Variants in MAK observed in about 807,000 individuals in gnomAD.
The protein encoded by MAK is serine/threonine-protein kinase MAK.
MAK carries 65 observed loss-of-function variants against 82.6 expected under a neutral mutation model. The ratio of observed to expected loss-of-function variants is 0.79; its 90% CI spans 0.64 to 0.97. MAK has a LOEUF of 0.97. Among genes scored for constraint, MAK ranks in the 50% least tolerant of loss-of-function variants. The pLI, the probability that MAK is intolerant of heterozygous loss-of-function variation, is 0.00. For missense variants in MAK, 703 were observed against 780.2 expected (o/e 0.90, Z 1.18); for synonymous variants, 250 against 274.2 (o/e 0.91, Z 0.87).
Position 10,817,970 on chromosome 6 carries a change from G to T in MAK, c.158C>A (p.Ser53Tyr). 1 of 1,438,166 alleles carries T rather than the reference G, an allele frequency of 7.0e-7. No individual in the cohort carries two copies. The highest frequency in any genetic ancestry group is 1.2e-5 in the South Asian group (1 of 83,848). 89.1% of individuals were successfully genotyped at this position (1,438,166 alleles called of 1,614,324 possible). Residue 53 changes from serine to tyrosine, a missense_variant and splice_region_variant, in exon 4 of 15, where the codon TCT becomes TAT. Coordinates refer to ENST00000354489, the MANE Select transcript of MAK (RefSeq NM_001242957.3). ...DECMNLREVK[S>Y]LKKLNHANVI... The stretch of plus-strand genomic sequence containing the variant: ...ATTGGCATGATTAAGTTTCTTCAGA[G>T]ACTGAAAAATAACAAATATGCCTTA...
chr6:10,784,677 A>G (rs1169256242), intron 10 of MAK, 105 bp from the exon 11 acceptor site: 6 of 1,013,674 alleles, frequency 5.9e-6, no homozygotes, highest in South Asian at 1.3e-5. Flanking sequence ...AAGCCAGTCA[A>G]TCTGACCTCA....
intron 8 of MAK, among the ~76,000 whole-genome samples, chr6:10,799,036 G>A (rs1483514161): frequency 6.6e-6 from 1 of 151,962 alleles, no homozygotes; most frequent in Non-Finnish European, 1.5e-5. Flanking sequence ...CTGCCACGTT[G>A]GCCAGGCTGA....
chr6:10,813,005 TC>T (rs60266470), intron 5 of MAK, among the ~76,000 whole-genome samples: 1,747 of 115,838 alleles, frequency 0.015, 18 homozygotes, highest in African/African-American at 0.018. Flanking sequence ...CCTAAGGTGA[TC>T]CCCCCCCCCG....
At chr6:10,807,947 A>G (rs1360715889) in intron 6 of MAK, among the ~76,000 whole-genome samples, 1 of 152,012 alleles carries the variant, frequency 6.6e-6, no homozygotes, top group Non-Finnish European at 1.5e-5. Context: ...GGGTGCCTGT[A>G]ATCCCAGCTA....
intron 5 of MAK, among the ~76,000 whole-genome samples, chr6:10,813,397 C>T (rs572555354): frequency 3.3e-5 from 5 of 151,184 alleles, no homozygotes; most frequent in South Asian, 2.1e-4. Context: ...TCAGGTGATC[C>T]GCCTGCCTTG....
rs115551660 is a variant in MAK at position 10,819,087 on chromosome 6, T to C, written c.102-147A>G. 6,027 of 653,576 alleles carry C rather than the reference T, an allele frequency of 9.2e-3. 155 individuals carry two copies. Among genetic ancestry groups the C allele is most frequent in the African/African-American group, 0.046 (2,539 of 55,644 alleles). The allele number at this position is 653,576 out of a possible 1,614,324, so 40.5% of individuals were successfully genotyped here. A position where few individuals can be genotyped will look rare whatever the true frequency, so the allele number is the denominator to read the frequency against. Reference sequence around the variant, plus strand: ...ATCCTTATAAGGAAATCACCTCCTATACCTCAAGGCTACTTGGTAGGCCTA... The same window carrying C: ...ATCCTTATAAGGAAATCACCTCCTACACCTCAAGGCTACTTGGTAGGCCTA... On this transcript the variant is annotated intron_variant, in intron 2 of 14. Coordinates refer to ENST00000354489, the MANE Select transcript of MAK (RefSeq NM_001242957.3).
intron 8 of MAK, among the ~76,000 whole-genome samples, chr6:10,799,407 A>G (rs1378015401): frequency 2.0e-5 from 3 of 152,110 alleles, no homozygotes; most frequent in Non-Finnish European, 4.4e-5. Context: ...TTTAAAATAC[A>G]TTTGAAAAAC....
At chr6:10,801,240 AT>A (rs1775995050) in intron 8 of MAK, among the ~76,000 whole-genome samples, 1 of 152,218 alleles carries the variant, frequency 6.6e-6, no homozygotes, top group South Asian at 2.1e-4. Context: ...AGCAAAATAA[AT>A]TTTTGTAATT....
rs552039665 is a variant in MAK at position 10,764,318 on chromosome 6, G to C, written c.*134C>G. On this transcript the variant is annotated 3_prime_UTR_variant, in exon 15 of 15. Transcript: ENST00000354489. ...ATAAGTAAAATAGGGGATGATTTTTGCCCTTCCAAGTACCCACTTTTGCAT... is the reference window on the plus strand; with the variant it reads ...ATAAGTAAAATAGGGGATGATTTTTCCCCTTCCAAGTACCCACTTTTGCAT... 3.3e-5 allele frequency: 28 copies of C among 854,136 alleles called. No individual in the cohort carries two copies. In the East Asian group the frequency reaches 7.2e-4, roughly 22 times the overall value. The allele number at this position is 854,136 out of a possible 1,614,324, so 52.9% of individuals were successfully genotyped here. A position where few individuals can be genotyped will look rare whatever the true frequency, so the allele number is the denominator to read the frequency against.
intron 2 of MAK, among the ~76,000 whole-genome samples, chr6:10,820,125 TA>T (rs912877287): frequency 9.2e-5 from 14 of 151,452 alleles, no homozygotes; most frequent in Middle Eastern, 3.4e-3. Flanking sequence ...AAAAAAAATT[TA>T]AAAAAAACAG....
At position 10,770,965 on chromosome 6, in the gene MAK, AAG is replaced by A. The variant is rs562671029; in HGVS notation, c.1673-737_1673-736del. Among the ~76,000 whole-genome samples, 13 of 152,204 alleles carry A rather than the reference AAG, an allele frequency of 8.5e-5. No homozygotes were observed. The South Asian group carries it at 2.7e-3, about 32-fold the overall frequency. ...GTTCACGGGGTGGAGGTGGTAGGGA[AAG>A]AGGGAAATATAAACTCCTAAGTTTG... is the stretch of plus-strand genomic sequence containing the variant. On this transcript the variant is annotated intron_variant, in intron 13 of 14. Transcript: ENST00000354489.
intron 14 of MAK, 90 bp from the exon 15 acceptor site, chr6:10,764,696 A>G: frequency 8.1e-7 from 1 of 1,234,122 alleles, no homozygotes; most frequent in South Asian, 1.2e-5. Flanking sequence ...TTGATGGGGA[A>G]AATCTGAATT....
rs1408012444 is a variant in MAK, at chr6:10,763,584, C to T, written c.*868G>A. The T allele has an allele frequency of 6.6e-6, 1 of 151,574 alleles. No homozygotes were observed. Among genetic ancestry groups the T allele is most frequent in the Non-Finnish European group, 1.5e-5 (1 of 67,954 alleles). 9.4% of individuals were successfully genotyped at this position (151,574 alleles called of 1,614,324 possible). A position where few individuals can be genotyped will look rare whatever the true frequency, so the allele number is the denominator to read the frequency against. Reference sequence around the variant, plus strand: ...AAAAAGCTGGGCACTGTGGCTCACACCTGTAAGCCCTGCACTTTGGGAGGC... The same window carrying T: ...AAAAAGCTGGGCACTGTGGCTCACATCTGTAAGCCCTGCACTTTGGGAGGC... On this transcript the variant is annotated 3_prime_UTR_variant, in exon 15 of 15. Coordinates refer to ENST00000354489, the MANE Select transcript of MAK (RefSeq NM_001242957.3).
At chr6:10,788,881 C>T (rs1163703626) in intron 10 of MAK, among the ~76,000 whole-genome samples, 1 of 152,092 alleles carries the variant, frequency 6.6e-6, no homozygotes, top group Non-Finnish European at 1.5e-5. Flanking sequence ...TATAATTTTT[C>T]ATCATAAATT....
At chr6:10,782,202 T>TCACACACACACACACACACA (rs746386493) in intron 11 of MAK, among the ~76,000 whole-genome samples, 3 of 146,054 alleles carry the variant, frequency 2.1e-5, no homozygotes, top group African/African-American at 7.6e-5. Context: ...TGAAACTCTG[T>TCACACACACACACACACACA]CACACACACA....
At chr6:10,807,028 C>T (rs887042078) in intron 6 of MAK, among the ~76,000 whole-genome samples, 4 of 152,164 alleles carry the variant, frequency 2.6e-5, no homozygotes, top group Non-Finnish European at 4.4e-5. Flanking sequence ...TTTCTCACTA[C>T]CTGCATGGCC....
intron 8 of MAK, among the ~76,000 whole-genome samples, chr6:10,801,682 A>G (rs1776027236): frequency 6.6e-6 from 1 of 152,200 alleles, no homozygotes; most frequent in South Asian, 2.1e-4. Context: ...AAAACTCAGA[A>G]AATCATTGGT....
At chr6:10,779,090 T>C (rs1773718261) in intron 11 of MAK, among the ~76,000 whole-genome samples, 1 of 128,532 alleles carries the variant, frequency 7.8e-6, no homozygotes, top group Admixed American at 9.7e-5. Flanking sequence ...GTGGTACCAC[T>C]GCACTCCAGC....
chr6:10,769,314 A>G (rs1216096365), intron 14 of MAK, among the ~76,000 whole-genome samples: 1 of 152,248 alleles, frequency 6.6e-6, no homozygotes, highest in African/African-American at 2.4e-5. Flanking sequence ...TTCACTAAGA[A>G]TATCTATTTC....
Sources: allele counts gnomAD v4.1 joint callset (sites outside exome capture counted in the v4.1 genomes callset), GRCh38; gene constraint gnomAD v4.1.1; transcripts MANE v1.5; gene names NCBI Gene and HGNC (gene_info 2026-07-23, HGNC 2026-07-21).